Variants in DMD observed in about 807,000 individuals in gnomAD.
DMD encodes the protein mutant dystrophin.
In DMD, 63 loss-of-function variants were observed where a neutral mutation model predicts 330.1. That is an observed-to-expected ratio of 0.19 (90% CI 0.16 to 0.24). The LOEUF is 0.24. Ranked by LOEUF, DMD falls within the 10% of genes least tolerant of loss-of-function variation. The pLI is 1.00. For synonymous variants in DMD, 1,223 were observed against 959.8 expected (o/e 1.27, Z -5.07); for missense variants, 3,344 against 2,684.1 (o/e 1.25, Z -5.43).
At chrX:31,683,727 T>A (rs1374294060) in intron 52 of DMD, among the ~76,000 whole-genome samples, 1 of 111,424 alleles carries the variant, frequency 9.0e-6, no homozygotes, top group Non-Finnish European at 1.9e-5. Context: ...AGGAGGAATA[T>A]CAAGAAAGTG....
intron 44 of DMD, among the ~76,000 whole-genome samples, chrX:32,005,371 G>A (rs954717584): frequency 9.0e-6 from 1 of 110,985 alleles, no homozygotes; most frequent in African/African-American, 3.3e-5. Flanking sequence ...GACCACGCGG[G>A]CCAAAAGCTG....
intron 29 of DMD, among the ~76,000 whole-genome samples, chrX:32,431,519 C>T (rs996947315): frequency 1.3e-4 from 14 of 110,896 alleles, no homozygotes; most frequent in African/African-American, 4.3e-4. Flanking sequence ...CTACTCCCCA[C>T]CCCTGTATCT....
chrX:32,380,464 T>G (rs371052308), intron 34 of DMD, 46 bp downstream of exon 34: 69 of 1,114,139 alleles, frequency 6.2e-5, no homozygotes, highest in Middle Eastern at 4.8e-4. Context: ...TCATATTATG[T>G]GTTTTCACGT....
intron 2 of DMD, among the ~76,000 whole-genome samples, chrX:32,986,428 C>T (rs2092846381): frequency 9.0e-6 from 1 of 111,361 alleles, no homozygotes; most frequent in Non-Finnish European, 1.9e-5. Context: ...AATAACTTTT[C>T]AAAGAAAAAA....
chrX:32,599,670 GTAATA>G (rs1375838871), intron 12 of DMD, among the ~76,000 whole-genome samples: 2 of 111,390 alleles, frequency 1.8e-5, no homozygotes, highest in African/African-American at 6.5e-5. Context: ...TTAAAATATT[GTAATA>G]TAATATTGTT....
At chrX:33,115,537 A>G (rs2148457470) in intron 1 of DMD, among the ~76,000 whole-genome samples, 2 of 106,335 alleles carry the variant, frequency 1.9e-5, no homozygotes, top group Admixed American at 2.0e-4. Context: ...TTCGAGATGG[A>G]GTCTCGCTCT....
At chrX:33,150,187 C>G (rs1029952984) in intron 1 of DMD, among the ~76,000 whole-genome samples, 6 of 110,751 alleles carry the variant, frequency 5.4e-5, no homozygotes, top group Non-Finnish European at 1.9e-5. Flanking sequence ...TCTCTGTGTT[C>G]TTTCTCTACT....
chrX:32,442,708 T>C (rs2098286425), intron 27 of DMD, among the ~76,000 whole-genome samples: 1 of 110,719 alleles, frequency 9.0e-6, no homozygotes. Flanking sequence ...AATGATCATT[T>C]CAGCCCTTTT....
At position 31,907,897 on chromosome X, in the gene DMD, C is replaced by T. The variant is rs181136610; in HGVS notation, c.6912+21699G>A. Among the ~76,000 whole-genome samples, 282 of 112,320 alleles carry T rather than the reference C, an allele frequency of 2.5e-3. 2 individuals are homozygous for T. The highest frequency in any genetic ancestry group is 7.7e-3 in the African/African-American group (237 of 30,932). ...AAAAAAACCAACCTCATCGAAAAGT[C>T]GGCCAAGGATAGGAACAGACACTTC... is the stretch of plus-strand genomic sequence containing the variant. On this transcript the variant is annotated intron_variant, in intron 47 of 78. Coordinates refer to ENST00000357033, the MANE Select transcript of DMD (RefSeq NM_004006.3).
intron 1 of DMD, among the ~76,000 whole-genome samples, chrX:33,029,091 G>A (rs957337691): frequency 2.7e-5 from 3 of 111,381 alleles, no homozygotes; most frequent in African/African-American, 9.8e-5. Flanking sequence ...TTAAATCTCA[G>A]ATCTACTAAG....
In DMD at chrX:32,064,553, C is replaced by T. The variant is rs188171307; in HGVS notation, c.6439-96039G>A. On this transcript the variant is annotated intron_variant, in intron 44 of 78. Transcript: ENST00000357033. ...AAGTATGAGCCATCATGTCCTACTT[C>T]TCTTCCATTGTTTCTCAGCATCTTA... Among the ~76,000 whole-genome samples, 45 of 111,632 alleles carry T rather than the reference C, an allele frequency of 4.0e-4. No individual in the cohort carries two copies. In the East Asian group the frequency reaches 0.01, roughly 26 times the overall value.
intron 59 of DMD, among the ~76,000 whole-genome samples, chrX:31,449,779 T>TA (rs1205052509): frequency 5.5e-5 from 5 of 90,430 alleles, no homozygotes; most frequent in African/African-American, 2.1e-4. Flanking sequence ...TATATATATA[T>TA]ATATATATAT....
In DMD at chrX:31,850,672, T is replaced by C. The variant is rs140478677; in HGVS notation, c.7099-13853A>G. ...TGAGAAGACATTTAGAGCAGATCCA[T>C]ATTCTAGAATGAAAAGACCTTAACT... On this transcript the variant is annotated intron_variant, in intron 48 of 78. Transcript: ENST00000357033. Among the ~76,000 whole-genome samples, 343 of 112,620 alleles carry C rather than the reference T, an allele frequency of 3.0e-3. 2 individuals carry two copies. Among genetic ancestry groups the C allele is most frequent in the African/African-American group, 0.01 (314 of 31,084 alleles).
intron 44 of DMD, among the ~76,000 whole-genome samples, chrX:31,969,359 G>T (rs1478060846): frequency 9.0e-6 from 1 of 111,484 alleles, no homozygotes; most frequent in Non-Finnish European, 1.9e-5. Flanking sequence ...AGATAATCTA[G>T]AATTTGTAAG....
At chrX:31,330,894 AAATTT>A (rs1379200699) in intron 61 of DMD, among the ~76,000 whole-genome samples, 12 of 112,217 alleles carry the variant, frequency 1.1e-4, no homozygotes, top group Non-Finnish European at 1.3e-4. Context: ...AGGCCAAGTT[AAATTT>A]AACACTTTTC....
chrX:32,020,530 A>C (rs1013225017), intron 44 of DMD, among the ~76,000 whole-genome samples: 2 of 111,540 alleles, frequency 1.8e-5, no homozygotes, highest in Non-Finnish European at 3.8e-5. Context: ...TAATCCAATA[A>C]GTCTAATGTC....
intron 44 of DMD, among the ~76,000 whole-genome samples, chrX:31,998,004 C>G (rs1230489073): frequency 9.0e-6 from 1 of 111,444 alleles, no homozygotes; most frequent in African/African-American, 3.3e-5. Flanking sequence ...AGGCAGTGGA[C>G]AGTGAAGCAT....
At chrX:32,320,018 C>T (rs1362936546) in intron 41 of DMD, among the ~76,000 whole-genome samples, 2 of 110,687 alleles carry the variant, frequency 1.8e-5, no homozygotes, top group Admixed American at 1.9e-4. Context: ...ACCTCACACA[C>T]ATACTTATAC....
intron 55 of DMD, among the ~76,000 whole-genome samples, chrX:31,621,499 GTC>G (rs10535949): frequency 0.17 from 18,480 of 110,983 alleles, 1,240 homozygotes; most frequent in East Asian, 0.32. Flanking sequence ...AAAGTCCAGA[GTC>G]TGAAAAATAG....
Sources: allele counts gnomAD v4.1 joint callset (sites outside exome capture counted in the v4.1 genomes callset), GRCh38; gene constraint gnomAD v4.1.1; transcripts MANE v1.5; gene names NCBI Gene and HGNC (gene_info 2026-07-23, HGNC 2026-07-21).